The following CNTN5 variants were observed in gnomAD, a reference collection of about 807,000 sequenced individuals.
CNTN5 encodes the protein contactin 5.
A neutral mutation model predicts 129.1 loss-of-function variants in CNTN5; 77 were observed. That is an observed-to-expected ratio of 0.60 (90% CI 0.50 to 0.72). The LOEUF is 0.72. Ranked by LOEUF, CNTN5 falls within the 30% of genes least tolerant of loss-of-function variation. The pLI is 0.00. For missense variants in CNTN5, 1,478 were observed against 1,328.8 expected (o/e 1.11, Z -1.75); for synonymous variants, 509 against 465.6 (o/e 1.09, Z -1.20).
intron 6 of CNTN5, among the ~76,000 whole-genome samples, chr11:99,880,102 T>A (rs11821460): frequency 0.18 from 27,302 of 152,114 alleles, 2,542 homozygotes; most frequent in South Asian, 0.27. Flanking sequence ...CTGTATATAG[T>A]TACATATTAC....
At chr11:100,150,545 A>G (rs1947020099) in intron 13 of CNTN5, among the ~76,000 whole-genome samples, 1 of 151,922 alleles carries the variant, frequency 6.6e-6, no homozygotes, top group African/African-American at 2.4e-5. Flanking sequence ...AATATTTCAA[A>G]AACTCTATAA....
At chr11:99,298,319 AT>A (rs1403073506) in intron 1 of CNTN5, among the ~76,000 whole-genome samples, 2 of 152,172 alleles carry the variant, frequency 1.3e-5, no homozygotes, top group Non-Finnish European at 2.9e-5. Flanking sequence ...AAAAGGTAAA[AT>A]GACATACAGG....
chr11:99,859,955 C>G (rs535080142), intron 6 of CNTN5, among the ~76,000 whole-genome samples: 3 of 152,214 alleles, frequency 2.0e-5, no homozygotes, highest in Admixed American at 6.5e-5. Context: ...ATTTACATTC[C>G]CATCAACAGT....
chr11:100,204,297 A>ATATATAT (rs1555039166), intron 15 of CNTN5, among the ~76,000 whole-genome samples: 195 of 17,648 alleles, frequency 0.011, 26 homozygotes, highest in Middle Eastern at 0.077. Flanking sequence ...AACATTGACT[A>ATATATAT]ATATATATAT....
At chr11:99,467,872 CCTT>C (rs752444203) in intron 2 of CNTN5, among the ~76,000 whole-genome samples, 14 of 151,996 alleles carry the variant, frequency 9.2e-5, no homozygotes, top group South Asian at 6.2e-4. Context: ...CAAGCTGTTT[CCTT>C]CTTCTAGCTT....
intron 13 of CNTN5, among the ~76,000 whole-genome samples, chr11:100,161,856 C>CACAT (rs1379699018): frequency 4.0e-5 from 6 of 149,616 alleles, no homozygotes; most frequent in African/African-American, 1.5e-4. Flanking sequence ...CACACACACA[C>CACAT]ACACACACAC....
intron 1 of CNTN5, among the ~76,000 whole-genome samples, chr11:99,138,329 T>C (rs967412476): frequency 6.6e-6 from 1 of 152,136 alleles, no homozygotes; most frequent in Non-Finnish European, 1.5e-5. Context: ...GGATGAAATG[T>C]TAAGCAGAGG....
Position 99,195,808 on chromosome 11 carries a change from A to T in CNTN5, c.-209-129538A>T, listed in dbSNP as rs551433939. Among the ~76,000 whole-genome samples, 4 of 152,138 alleles carry T rather than the reference A, an allele frequency of 2.6e-5. No homozygotes were observed. The South Asian group carries it at 8.3e-4, about 32-fold the overall frequency. ...AGTATTCTATATTTATATCTAGAAG[A>T]TATGTTAGTAAGTATGTCTATTTTT... On this transcript the variant is annotated intron_variant, in intron 1 of 24. Coordinates refer to ENST00000524871, the MANE Select transcript of CNTN5 (RefSeq NM_014361.4).
At chr11:99,702,483 A>G (rs1401584454) in intron 3 of CNTN5, among the ~76,000 whole-genome samples, 1 of 151,042 alleles carries the variant, frequency 6.6e-6, no homozygotes, top group Non-Finnish European at 1.5e-5. Flanking sequence ...CAGGCTTATT[A>G]GTATCACTAG....
intron 2 of CNTN5, among the ~76,000 whole-genome samples, chr11:99,432,464 C>CTTTTCTTTCCTTTT (rs1555143589): frequency 8.6e-6 from 1 of 116,378 alleles, no homozygotes; most frequent in Admixed American, 1.0e-4. Flanking sequence ...TCTTTTCTTT[C>CTTTTCTTTCCTTTT]CTTTTCTTTT....
At chr11:99,426,181 G>C (rs1010633108) in intron 2 of CNTN5, among the ~76,000 whole-genome samples, 8 of 152,108 alleles carry the variant, frequency 5.3e-5, no homozygotes, top group Admixed American at 3.9e-4. Context: ...TTGGACTTCA[G>C]GGGGCCTCAT....
In CNTN5 at chr11:99,182,983, A is replaced by G. The variant is rs993338283; in HGVS notation, c.-209-142363A>G. Among the ~76,000 whole-genome samples, 5 of 152,202 alleles carry G rather than the reference A, an allele frequency of 3.3e-5. No homozygotes were observed. In the South Asian group the frequency reaches 6.2e-4, roughly 19 times the overall value. On this transcript the variant is annotated intron_variant, in intron 1 of 24. Coordinates refer to ENST00000524871, the MANE Select transcript of CNTN5 (RefSeq NM_014361.4). ...TAATGGGGTAGATTATGTGATATAT[A>G]TAAATAAACATCTGTCATAGGACCT...
chr11:100,097,849 G>A (rs954510262), intron 13 of CNTN5, among the ~76,000 whole-genome samples: 4 of 152,006 alleles, frequency 2.6e-5, no homozygotes, highest in African/African-American at 9.7e-5. Flanking sequence ...ATTGTATATT[G>A]GAGGCAAAAC....
intron 1 of CNTN5, among the ~76,000 whole-genome samples, chr11:99,131,677 A>T (rs549265357): frequency 6.6e-6 from 1 of 152,252 alleles, no homozygotes; most frequent in African/African-American, 2.4e-5. Flanking sequence ...CTGGACACAT[A>T]TACCCTCCCA....
intron 1 of CNTN5, among the ~76,000 whole-genome samples, chr11:99,263,773 C>T (rs965738396): frequency 2.0e-5 from 3 of 150,944 alleles, no homozygotes; most frequent in African/African-American, 7.3e-5. Flanking sequence ...AGGTGTGTGC[C>T]ACCATGCCCA....
At chr11:99,062,112 T>G (rs1864908296) in intron 1 of CNTN5, among the ~76,000 whole-genome samples, 1 of 152,036 alleles carries the variant, frequency 6.6e-6, no homozygotes. Context: ...TTATTCAAGA[T>G]GAAGAAAAAA....
intron 1 of CNTN5, among the ~76,000 whole-genome samples, chr11:99,145,691 T>A (rs923550104): frequency 5.9e-5 from 9 of 152,260 alleles, no homozygotes; most frequent in Middle Eastern, 3.4e-3. Context: ...GTAAAAGACA[T>A]GTCAGCTCAA....
At chr11:100,235,464 G>A (rs560890494) in intron 16 of CNTN5, among the ~76,000 whole-genome samples, 1 of 152,268 alleles carries the variant, frequency 6.6e-6, no homozygotes, top group South Asian at 2.1e-4. Context: ...TATGCTGAGG[G>A]AGGAGGAGGC....
At chr11:100,335,610 A>C (rs542210738) in intron 21 of CNTN5, among the ~76,000 whole-genome samples, 4 of 152,260 alleles carry the variant, frequency 2.6e-5, no homozygotes, top group African/African-American at 9.6e-5. Context: ...TCTATTAAAA[A>C]TACAAAAATT....
Sources: gnomAD v4.1 joint callset for allele counts (sites outside exome capture counted in the v4.1 genomes callset) on GRCh38, gnomAD v4.1.1 for gene constraint, MANE v1.5 for transcripts, NCBI Gene and HGNC (gene_info 2026-07-23, HGNC 2026-07-21) for gene names.